XPO7: variants seen among roughly 807,000 people sequenced by gnomAD.
The protein encoded by XPO7 is exportin-7.
A neutral mutation model predicts 144.3 loss-of-function variants in XPO7; 21 were observed. That is an observed-to-expected ratio of 0.15 (90% CI 0.10 to 0.21). The LOEUF is 0.21. Among genes scored for constraint, XPO7 ranks in the 10% least tolerant of loss-of-function variants. The pLI is 1.00. For missense variants in XPO7, 808 were observed against 1,325.8 expected (o/e 0.61, Z 6.06); for synonymous variants, 580 against 499.6 (o/e 1.16, Z -2.15).
At chr8:21,933,525 A>C (rs1187927615) in intron 1 of XPO7, among the ~76,000 whole-genome samples, 1 of 152,198 alleles carries the variant, frequency 6.6e-6, no homozygotes, top group Admixed American at 6.5e-5. Flanking sequence ...TCCTGAGTAC[A>C]TGTACAAGTC....
chr8:22,003,375 A>G, intron 26 of XPO7, 58 bp downstream of exon 26: 1 of 1,359,692 alleles, frequency 7.4e-7, no homozygotes, highest in Non-Finnish European at 1.0e-6. Flanking sequence ...CGCACTTGGT[A>G]TCACCAAGCC....
At chr8:21,984,476 C>CATTG (rs1812511991) in intron 11 of XPO7, among the ~76,000 whole-genome samples, 170 bp from the exon 12 acceptor site, 1 of 152,214 alleles carries the variant, frequency 6.6e-6, no homozygotes, top group Admixed American at 6.5e-5. Context: ...AGGGCGAAGA[C>CATTG]ATTGGCCTTC....
intron 4 of XPO7, 134 bp downstream of exon 4, chr8:21,970,444 A>G: frequency 1.0e-6 from 1 of 969,244 alleles, no homozygotes; most frequent in Admixed American, 3.5e-5. Flanking sequence ...GAATTATATG[A>G]TATATTCTCT....
intron 21 of XPO7, 97 bp from the exon 22 acceptor site, chr8:21,998,658 T>C (rs1455685950): frequency 1.0e-6 from 1 of 952,542 alleles, no homozygotes; most frequent in Non-Finnish European, 1.6e-6. Context: ...TTAATGTAAA[T>C]GCAGGATCAC....
intron 21 of XPO7, among the ~76,000 whole-genome samples, chr8:21,996,847 C>A (rs369409100): frequency 1.4e-4 from 21 of 152,010 alleles, no homozygotes; most frequent in African/African-American, 4.8e-4. Flanking sequence ...TCTCTCTTGT[C>A]GCCAGGCTGA....
At chr8:21,980,242 T>C (rs760287175) in intron 9 of XPO7, 39 bp downstream of exon 9, 25 of 1,544,440 alleles carry the variant, frequency 1.6e-5, no homozygotes, top group Admixed American at 2.0e-5. Flanking sequence ...ATAGGATTAG[T>C]GTATGGCCAG....
intron 15 of XPO7, 100 bp downstream of exon 15, chr8:21,987,957 C>A: frequency 7.9e-7 from 1 of 1,273,224 alleles, no homozygotes; most frequent in Non-Finnish European, 1.1e-6. Context: ...GGTATTCCAG[C>A]ATTGATCGTT....
At chr8:21,975,180 A>G (rs1417824268) in intron 6 of XPO7, among the ~76,000 whole-genome samples, 1 of 152,260 alleles carries the variant, frequency 6.6e-6, no homozygotes, top group Middle Eastern at 3.2e-3. Context: ...AAGTAGGTTC[A>G]GACTATGTTG....
In XPO7 at chr8:21,987,784, C is replaced by T. The variant is rs758610986; in HGVS notation, c.1714C>T (p.Leu572=). The T allele has an allele frequency of 6.2e-7, 1 of 1,613,820 alleles. No individual in the cohort carries two copies. Among genetic ancestry groups the T allele is most frequent in the South Asian group, 1.1e-5 (1 of 91,070 alleles). ...IGDQVQKSSK[L]YRRLSEVLGL... ...GGTTACTTTCTCTTCTTAACACCAG[C>T]TGTACCGCCGACTCTCAGAAGTTCT... The change falls in exon 15 of 28, where the codon CTG becomes TTG. Residue 572 remains leucine, a splice_region_variant and synonymous_variant. Transcript: ENST00000252512.
At chr8:21,989,660 T>C (rs1356678745) in intron 16 of XPO7, among the ~76,000 whole-genome samples, 2 of 152,048 alleles carry the variant, frequency 1.3e-5, no homozygotes, top group East Asian at 3.9e-4. Context: ...GAGAAGTTCA[T>C]TCATTATACA....
chr8:21,953,076 A>G (rs1811425055), intron 1 of XPO7, among the ~76,000 whole-genome samples: 1 of 128,522 alleles, frequency 7.8e-6, no homozygotes, highest in Non-Finnish European at 1.6e-5. Context: ...ATGGTATATT[A>G]ACAATTGATG....
At chr8:21,941,488 A>G (rs1390038444) in intron 1 of XPO7, among the ~76,000 whole-genome samples, 1 of 152,210 alleles carries the variant, frequency 6.6e-6, no homozygotes, top group Non-Finnish European at 1.5e-5. Flanking sequence ...TACTTGTACT[A>G]GCTAATACAA....
chr8:21,957,362 C>T (rs1033974431), intron 1 of XPO7, among the ~76,000 whole-genome samples: 2 of 152,142 alleles, frequency 1.3e-5, no homozygotes, highest in African/African-American at 4.8e-5. Flanking sequence ...CCTGTTTCTC[C>T]TTCTTTGGGC....
chr8:21,999,800 A>G (rs1813077500), intron 24 of XPO7, 126 bp downstream of exon 24: 3 of 1,214,372 alleles, frequency 2.5e-6, no homozygotes, highest in East Asian at 2.5e-5. Context: ...GGCCATAACA[A>G]TAGAGTATAT....
chr8:21,954,482 A>C (rs56177941), intron 1 of XPO7, among the ~76,000 whole-genome samples: 32,183 of 151,944 alleles, frequency 0.21, 4,999 homozygotes, highest in African/African-American at 0.44. Context: ...AAAAATTCAA[A>C]AATTAGCCAG....
In XPO7 at chr8:21,977,807, C is replaced by G. The variant is rs760938290; in HGVS notation, c.801C>G (p.Asp267Glu). 1 of 1,613,944 alleles carries G rather than the reference C, an allele frequency of 6.2e-7. No homozygotes were observed. The highest frequency in any genetic ancestry group is 2.2e-5 in the East Asian group (1 of 44,886). ...LDSSTLQLFF[D>E]LYHSIPPSFS... ...CTTCAACCTTGCAGCTGTTTTTTGACCTGTATCATTCCATCCCTCCTTCAT... is the reference window on the plus strand; with the variant it reads ...CTTCAACCTTGCAGCTGTTTTTTGAGCTGTATCATTCCATCCCTCCTTCAT... Residue 267 changes from aspartate to glutamate, a missense_variant, in exon 8 of 28, where the codon GAC becomes GAG. Asp to Glu is a conservative substitution (Grantham distance 45). Coordinates refer to ENST00000252512, the MANE Select transcript of XPO7 (RefSeq NM_015024.5).
Position 21,919,808 on chromosome 8 carries a change from G to T in XPO7, c.18+20G>T. On this transcript the variant is annotated intron_variant, in intron 1 of 27. Transcript: ENST00000252512. ...GTGCAGGTGAGAGGAGCCGCGGGGG[G>T]GAGGGGGCGACCACGAAGAGCGGCG... is the stretch of plus-strand genomic sequence containing the variant. The T allele has an allele frequency of 4.1e-6, 2 of 488,366 alleles. No individual in the cohort carries two copies. The highest frequency in any genetic ancestry group is 3.1e-6 in the Non-Finnish European group (1 of 320,590). The allele number at this position is 488,366 out of a possible 1,614,324, so 30.3% of individuals were successfully genotyped here. A position where few individuals can be genotyped will look rare whatever the true frequency, so the allele number is the denominator to read the frequency against.
chr8:21,957,037 G>A (rs1003175997), intron 1 of XPO7, among the ~76,000 whole-genome samples: 7 of 152,298 alleles, frequency 4.6e-5, no homozygotes, highest in African/African-American at 1.4e-4. Context: ...GTAATCAGGT[G>A]TGCCATTTGT....
At chr8:21,925,712 G>A (rs767343536) in intron 1 of XPO7, among the ~76,000 whole-genome samples, 2 of 152,204 alleles carry the variant, frequency 1.3e-5, no homozygotes, top group Non-Finnish European at 2.9e-5. Flanking sequence ...TAAGTGATCT[G>A]TGAAGTCCCT....
Sources: gnomAD v4.1 joint callset for allele counts (sites outside exome capture counted in the v4.1 genomes callset) on GRCh38, gnomAD v4.1.1 for gene constraint, MANE v1.5 for transcripts, NCBI Gene and HGNC (gene_info 2026-07-23, HGNC 2026-07-21) for gene names.